ST13: variants seen among roughly 807,000 people sequenced by gnomAD.
The protein encoded by ST13 is hsc70-interacting protein.
ST13 carries 23 observed loss-of-function variants against 56.7 expected under a neutral mutation model. The ratio of observed to expected loss-of-function variants is 0.41; its 90% confidence interval spans 0.29 to 0.57. The LOEUF is 0.57. ST13 is among the 20% of genes least tolerant of loss of function. ST13 has a pLI of 0.36. For missense variants in ST13, 369 were observed against 459.9 expected (o/e 0.80, Z 1.81); for synonymous variants, 132 against 142.4 (o/e 0.93, Z 0.52).
intron 9 of ST13, 70 bp downstream of exon 9, chr22:40,830,770 T>G: frequency 1.1e-6 from 1 of 915,200 alleles, no homozygotes; most frequent in Non-Finnish European, 1.7e-6. Flanking sequence ...GGAATTAAAA[T>G]TTTAGTGTCC....
intron 4 of ST13, among the ~76,000 whole-genome samples, chr22:40,844,455 G>T (rs957137006): frequency 1.3e-5 from 2 of 151,578 alleles, no homozygotes; most frequent in East Asian, 1.9e-4. Context: ...GTAATATATA[G>T]AATTTTTTTT....
In ST13 at chr22:40,825,233, C is replaced by T. The variant is rs748847641; in HGVS notation, c.*1305G>A. The T allele has an allele frequency of 2.6e-5, 4 of 152,098 alleles. No homozygotes were observed. The highest frequency in any genetic ancestry group is 6.6e-5 in the Admixed American group (1 of 15,266). 9.4% of individuals were successfully genotyped at this position (152,098 alleles called of 1,614,324 possible). A position where few individuals can be genotyped will look rare whatever the true frequency, so the allele number is the denominator to read the frequency against. ...ACTATTTAAGAGCTGAATACAAAGA[C>T]AATGAGTCTTTCATAGTCTCAACAA... On this transcript the variant is annotated 3_prime_UTR_variant, in exon 12 of 12. Transcript: ENST00000216218.
chr22:40,847,555 A>T (rs1434529904), intron 3 of ST13, among the ~76,000 whole-genome samples: 4 of 148,346 alleles, frequency 2.7e-5, no homozygotes, highest in Non-Finnish European at 4.4e-5. Context: ...TCTCAAAAAA[A>T]GAAAAAAAAA....
Position 40,844,822 on chromosome 22 carries a change from C to G in ST13, c.315+17G>C. 6.2e-7 allele frequency: 1 copy of G among 1,606,550 alleles called. No individual in the cohort carries two copies. The highest frequency in any genetic ancestry group is 8.5e-7 in the Non-Finnish European group (1 of 1,173,762). On this transcript the variant is annotated intron_variant, in intron 4 of 11. Coordinates refer to ENST00000216218, the MANE Select transcript of ST13 (RefSeq NM_003932.5). ...ACATTTCTTAGAACAAGCAGGAAAT[C>G]AAGTCACCGAACTTACCTCCGCATT...
At chr22:40,851,265 T>TAA (rs1480345976) in intron 1 of ST13, among the ~76,000 whole-genome samples, 1 of 152,228 alleles carries the variant, frequency 6.6e-6, no homozygotes, top group Non-Finnish European at 1.5e-5. Flanking sequence ...AAACTTGAAA[T>TAA]AAGAGTTCAA....
chr22:40,847,668 T>C (rs1315292310), intron 3 of ST13, among the ~76,000 whole-genome samples: 1 of 151,812 alleles, frequency 6.6e-6, no homozygotes, highest in Non-Finnish European at 1.5e-5. Context: ...TCAATGAAAA[T>C]GTAAAACCTG....
intron 11 of ST13, 134 bp from the exon 12 acceptor site, chr22:40,826,800 G>A (rs1182785978): frequency 9.4e-7 from 1 of 1,058,476 alleles, no homozygotes; most frequent in Non-Finnish European, 1.3e-6. Context: ...ATGAGTGCTT[G>A]AAGTATCAAA....
intron 10 of ST13, among the ~76,000 whole-genome samples, chr22:40,828,610 C>G (rs1302397334): frequency 1.3e-5 from 2 of 150,722 alleles, no homozygotes; most frequent in Non-Finnish European, 2.9e-5. Context: ...GAGGCTCTGT[C>G]TCAATAATAA....
chr22:40,855,911 A>G (rs772532296), intron 1 of ST13, among the ~76,000 whole-genome samples: 4 of 148,788 alleles, frequency 2.7e-5, no homozygotes, highest in African/African-American at 5.2e-5. Context: ...CAAGATAATT[A>G]ATCCTACGCA....
chr22:40,846,276 C>A (rs1036309959), intron 3 of ST13, among the ~76,000 whole-genome samples: 1 of 152,106 alleles, frequency 6.6e-6, no homozygotes, highest in African/African-American at 2.4e-5. Flanking sequence ...TTTACTGCAC[C>A]TCACATAATG....
rs1236393873 is a variant in ST13, at chr22:40,835,800, C to T, written c.467+3G>A. The stretch of plus-strand genomic sequence containing the variant: ...GGGATGCTTTTCTGTTTAGAGTTCT[C>T]ACCTGGCCCTCTTGGCATACAAAAT... On this transcript the variant is annotated splice_donor_region_variant and intron_variant, in intron 6 of 11. Transcript: ENST00000216218. The T allele has an allele frequency of 6.2e-7, 1 of 1,613,776 alleles. No individual in the cohort carries two copies. Among genetic ancestry groups the T allele is most frequent in the East Asian group, 2.2e-5 (1 of 44,884 alleles).
At chr22:40,829,934 C>T (rs1008056304) in intron 9 of ST13, among the ~76,000 whole-genome samples, 6 of 152,106 alleles carry the variant, frequency 3.9e-5, no homozygotes, top group African/African-American at 1.4e-4. Flanking sequence ...ATTTATAGTA[C>T]TAATATGAAA....
chr22:40,848,565 G>A (rs548254829), intron 2 of ST13, among the ~76,000 whole-genome samples, 196 bp from the exon 3 acceptor site: 10 of 152,188 alleles, frequency 6.6e-5, no homozygotes, highest in Non-Finnish European at 1.2e-4. Flanking sequence ...TGGCCAACAC[G>A]GTGAAACCAT....
chr22:40,825,037 A>C lies in ST13; in HGVS notation c.*1501T>G, dbSNP rs1188222610. 6.6e-6 allele frequency: 1 copy of C among 152,210 alleles called. No individual in the cohort carries two copies. Among genetic ancestry groups the C allele is most frequent in the Non-Finnish European group, 1.5e-5 (1 of 68,030 alleles). 9.4% of individuals were successfully genotyped at this position (152,210 alleles called of 1,614,324 possible). ...GGCCTTATCCCTTGAAAATGTTTTT[A>C]AACACTAGCACTTTAAATTGAAACA... On this transcript the variant is annotated 3_prime_UTR_variant, in exon 12 of 12. Transcript: ENST00000216218.
intron 1 of ST13, among the ~76,000 whole-genome samples, chr22:40,852,006 G>A (rs2057863978): frequency 6.6e-6 from 1 of 152,196 alleles, no homozygotes; most frequent in African/African-American, 2.4e-5. Flanking sequence ...GCCTCCCAAA[G>A]TGCTGGATTT....
rs1351814009 is a variant in ST13, at chr22:40,829,630, A to G, written c.843T>C (p.Phe281=). The G allele has an allele frequency of 6.9e-7, 1 of 1,459,012 alleles. No individual in the cohort carries two copies. The highest frequency in any genetic ancestry group is 9.2e-7 in the Non-Finnish European group (1 of 1,086,732). The allele number at this position is 1,459,012 out of a possible 1,614,324, so 90.4% of individuals were successfully genotyped here. A position where few individuals can be genotyped will look rare whatever the true frequency, so the allele number is the denominator to read the frequency against. ...RRQSGAQYGS[F]PGGFPGGMPG... Reference sequence around the variant, plus strand: ...TTAACTTTTCTTTAAATATACCTGGAAAAGAGCCATACTGAGCTCCTGACT... The same window carrying G: ...TTAACTTTTCTTTAAATATACCTGGGAAAGAGCCATACTGAGCTCCTGACT... Residue 281 remains phenylalanine (F), a synonymous_variant, in exon 10 of 12, where the codon TTT becomes TTC. Coordinates refer to ENST00000216218, the MANE Select transcript of ST13 (RefSeq NM_003932.5).
intron 10 of ST13, 109 bp from the exon 11 acceptor site, chr22:40,827,338 G>C: frequency 4.6e-6 from 5 of 1,090,666 alleles, no homozygotes; most frequent in Non-Finnish European, 5.4e-6. Context: ...TAAGCACAAA[G>C]TAGTCTGAAG....
chr22:40,840,161 CCAAA>C (rs1312677690), intron 5 of ST13, among the ~76,000 whole-genome samples: 4 of 151,928 alleles, frequency 2.6e-5, no homozygotes, highest in African/African-American at 4.8e-5. Context: ...AAAAAACCAA[CCAAA>C]CAAACAAACA....
At chr22:40,841,169 G>T (rs937522851) in intron 4 of ST13, among the ~76,000 whole-genome samples, 1 of 148,644 alleles carries the variant, frequency 6.7e-6, no homozygotes, top group Non-Finnish European at 1.5e-5. Flanking sequence ...GTGCATCTGG[G>T]CAACAGAGGG....
Sources: gnomAD v4.1 joint callset for allele counts (sites outside exome capture counted in the v4.1 genomes callset) on GRCh38, gnomAD v4.1.1 for gene constraint, MANE v1.5 for transcripts, NCBI Gene and HGNC (gene_info 2026-07-23, HGNC 2026-07-21) for gene names.